Variants in PHACTR2 observed in about 807,000 individuals in gnomAD.
The protein encoded by PHACTR2 is chromosome 6 open reading frame 56.
In PHACTR2, 30 loss-of-function variants were observed where a neutral mutation model predicts 76.0. That is an observed-to-expected ratio of 0.39 (90% confidence interval 0.30 to 0.54). PHACTR2 has a LOEUF of 0.54. PHACTR2 is among the 20% of genes least tolerant of loss of function. The probability of loss-of-function intolerance (pLI) is 0.61; values close to 1 mark genes in which losing one functional copy is unlikely to be tolerated. For synonymous variants in PHACTR2, 292 were observed against 292.5 expected (o/e 1.00, Z 0.02); for missense variants, 696 against 781.1 (o/e 0.89, Z 1.30).
chr6:143,774,155 A>G lies in PHACTR2; in HGVS notation c.1529A>G (p.Gln510Arg). 1 of 1,614,100 alleles carries G rather than the reference A, an allele frequency of 6.2e-7. No homozygotes were observed. ...KKELEDKNIL[Q>R]RTSEEERQEI... Reference sequence around the variant, plus strand: ...GAACTAGAGGACAAAAACATCTTGCAGCGTACATCTGAAGAAGAGAGGCAG... The same window carrying G: ...GAACTAGAGGACAAAAACATCTTGCGGCGTACATCTGAAGAAGAGAGGCAG... The change falls in exon 8 of 13, where the codon CAG (glutamine) becomes CGG (arginine). Residue 510 changes from glutamine (Q) to arginine (R), a missense_variant. Coordinates refer to ENST00000440869, the MANE Select transcript of PHACTR2 (RefSeq NM_001100164.2). This position sits in a 1 kb window ranked among gnomAD's most constrained non-coding sequence, Gnocchi z 5.4.
rs1009706904 is a variant in PHACTR2, at chr6:143,589,192, G to A, written c.217+51985G>A. 7.9e-5 allele frequency among the ~76,000 whole-genome samples: 12 copies of A among 152,182 alleles called. No individual in the cohort carries two copies. Among genetic ancestry groups the A allele is most frequent in the African/African-American group, 2.9e-4 (12 of 41,452 alleles). On this transcript the variant is annotated intron_variant, in intron 1 of 11. Coordinates refer to the PHACTR2 transcript ENST00000367584. The surrounding 1 kb of genome is among the most constrained non-coding windows in gnomAD (Gnocchi z 4.4). ...TGCAGATGGCTGCTGACATGGTTTC[G>A]ATTTGTGTCCCACCCAAATCTCATG...
At chr6:143,756,596 G>A (rs1433217228) in intron 4 of PHACTR2, among the ~76,000 whole-genome samples, 5 of 151,792 alleles carry the variant, frequency 3.3e-5, no homozygotes, top group South Asian at 2.1e-4. Flanking sequence ...CTACTCGGGA[G>A]GCTGAGGCAG....
chr6:143,685,127 G>A (rs1313821779), intron 1 of PHACTR2, among the ~76,000 whole-genome samples: 8 of 151,656 alleles, frequency 5.3e-5, no homozygotes, highest in African/African-American at 1.5e-4. Context: ...TTGATTAGTC[G>A]TTTTCTTTCT....
rs1777450848 is a variant in PHACTR2 at position 143,683,769 on chromosome 6, G to A, written c.46+5560G>A. On this transcript the variant is annotated intron_variant, in intron 1 of 12. Coordinates refer to ENST00000440869, the MANE Select transcript of PHACTR2 (RefSeq NM_001100164.2). The surrounding 1 kb of genome is among the most constrained non-coding windows in gnomAD (Gnocchi z 4.1). ...TTCCATAATATATACATGGTAGGAA[G>A]TCAAACATTACAAGATGGTTTGGGA... is the stretch of plus-strand genomic sequence containing the variant. Among the ~76,000 whole-genome samples, 1 of 152,204 alleles carries A rather than the reference G, an allele frequency of 6.6e-6. No homozygotes were observed. Among genetic ancestry groups the A allele is most frequent in the African/African-American group, 2.4e-5 (1 of 41,448 alleles).
chr6:143,659,402 A>G lies in PHACTR2; in HGVS notation c.13+51080A>G, dbSNP rs1312709769. ...TCAGGGTCTCATGAAGCTGCAGTCA[A>G]GGTGTCAGTAGGGATGTCGTCTCAT... On this transcript the variant is annotated intron_variant, in intron 1 of 11. Coordinates refer to the PHACTR2 transcript ENST00000305766. This position sits in a 1 kb window ranked among gnomAD's most constrained non-coding sequence, Gnocchi z 5.0. Among the ~76,000 whole-genome samples, 1 of 152,184 alleles carries G rather than the reference A, an allele frequency of 6.6e-6. No homozygotes were observed. The highest frequency in any genetic ancestry group is 1.5e-5 in the Non-Finnish European group (1 of 68,026).
intron 1 of PHACTR2, among the ~76,000 whole-genome samples, chr6:143,691,796 T>C (rs908457818): frequency 2.0e-5 from 3 of 152,160 alleles, no homozygotes; most frequent in Non-Finnish European, 4.4e-5. Flanking sequence ...ATAAGAAAGA[T>C]TTTTGTAAAA....
chr6:143,798,002 T>G (rs1045956538), intron 11 of PHACTR2, among the ~76,000 whole-genome samples: 4 of 152,232 alleles, frequency 2.6e-5, no homozygotes, highest in Non-Finnish European at 5.9e-5. Context: ...AAGGCCATTT[T>G]CACGATATTG....
In PHACTR2 at chr6:143,627,457, C is replaced by G. The variant is rs13192982; in HGVS notation, c.13+19135C>G. 1.3e-5 allele frequency among the ~76,000 whole-genome samples: 2 copies of G among 152,070 alleles called. No homozygotes were observed. Among genetic ancestry groups the G allele is most frequent in the Admixed American group, 1.3e-4 (2 of 15,282 alleles). On this transcript the variant is annotated intron_variant, in intron 1 of 11. Coordinates refer to the PHACTR2 transcript ENST00000305766. The surrounding 1 kb of genome is among the most constrained non-coding windows in gnomAD (Gnocchi z 4.3). ...TTATGGGTAATATACTCAGCTACTA[C>G]GTCAGGTAGCCTTGCGGAATTCAAG...
chr6:143,791,371 C>T lies in PHACTR2; in HGVS notation c.1845+2461C>T, dbSNP rs986238996. On this transcript the variant is annotated intron_variant, in intron 11 of 12. Coordinates refer to ENST00000440869, the MANE Select transcript of PHACTR2 (RefSeq NM_001100164.2). This position sits in a 1 kb window ranked among gnomAD's most constrained non-coding sequence, Gnocchi z 4.7. ...TACAAGCACTGAAGGTTAGAAATGA[C>T]TCTGTGTGTCAGTGATTTGCAACCT... is the stretch of plus-strand genomic sequence containing the variant. 3.3e-5 allele frequency among the ~76,000 whole-genome samples: 5 copies of T among 152,200 alleles called. No individual in the cohort carries two copies. Among genetic ancestry groups the T allele is most frequent in the African/African-American group, 1.2e-4 (5 of 41,446 alleles).
chr6:143,722,626 C>A lies in PHACTR2; in HGVS notation c.214+10443C>A, dbSNP rs897496068. 6.6e-6 allele frequency among the ~76,000 whole-genome samples: 1 copy of A among 152,248 alleles called. No homozygotes were observed. The highest frequency in any genetic ancestry group is 2.4e-5 in the African/African-American group (1 of 41,540). On this transcript the variant is annotated intron_variant, in intron 2 of 12. Transcript: ENST00000440869. This position sits in a 1 kb window ranked among gnomAD's most constrained non-coding sequence, Gnocchi z 4.1. Reference sequence around the variant, plus strand: ...ATCGTTTCTTTTTGTTAGAAATAGTCCAGTTCCACTCTTTTAGTTATTTTG... The same window carrying A: ...ATCGTTTCTTTTTGTTAGAAATAGTACAGTTCCACTCTTTTAGTTATTTTG...
In PHACTR2 at chr6:143,625,312, T is replaced by G. The variant is rs1042063447; in HGVS notation, c.13+16990T>G. On this transcript the variant is annotated intron_variant, in intron 1 of 11. Coordinates refer to the PHACTR2 transcript ENST00000305766. The surrounding 1 kb of genome is among the most constrained non-coding windows in gnomAD (Gnocchi z 4.3). The stretch of plus-strand genomic sequence containing the variant: ...CTTATTTATTGTGAGATATATCAAA[T>G]TTTTACTTGGTGATTCAGAATTTAA... Among the ~76,000 whole-genome samples the G allele has an allele frequency of 1.3e-5, 2 of 152,186 alleles. No homozygotes were observed. The highest frequency in any genetic ancestry group is 2.9e-5 in the Non-Finnish European group (2 of 68,020).
At chr6:143,716,807 C>T (rs987303353) in intron 2 of PHACTR2, among the ~76,000 whole-genome samples, 7 of 152,210 alleles carry the variant, frequency 4.6e-5, no homozygotes, top group Non-Finnish European at 1.0e-4. Flanking sequence ...GCTACTGTTG[C>T]TAGAAATGAC....
chr6:143,752,291 C>T (rs1481807145), intron 3 of PHACTR2, among the ~76,000 whole-genome samples: 4 of 151,992 alleles, frequency 2.6e-5, no homozygotes, highest in Admixed American at 6.5e-5. Flanking sequence ...GATTTTTATA[C>T]ATAAGCAAGT....
chr6:143,665,094 C>T (rs932162854), intron 1 of PHACTR2, among the ~76,000 whole-genome samples: 7 of 152,164 alleles, frequency 4.6e-5, no homozygotes, highest in Non-Finnish European at 8.8e-5. Context: ...CCACCGCACC[C>T]AGCCTGGGTT....
rs533556661 is a variant in PHACTR2, at chr6:143,573,428, G to A, written c.217+36221G>A. Among the ~76,000 whole-genome samples, 4 of 152,240 alleles carry A rather than the reference G, an allele frequency of 2.6e-5. No homozygotes were observed. The East Asian group carries it at 7.7e-4, about 29-fold the overall frequency. On this transcript the variant is annotated intron_variant, in intron 1 of 11. Coordinates refer to the PHACTR2 transcript ENST00000367584. ...AGGTCCCTGGATGCTACATTATTAT[G>A]TTTGTCATCCATGGGAGCCAGCCCA...
chr6:143,544,253 G>GGAAGAAAGGGAGGCAGGGAAA (rs1554286366), intron 1 of PHACTR2, among the ~76,000 whole-genome samples: 12 of 144,068 alleles, frequency 8.3e-5, no homozygotes, highest in African/African-American at 3.5e-4. Flanking sequence ...GGAGGGAGTG[G>GGAAGAAAGGGAGGCAGGGAAA]GAAGGAAGGA....
In PHACTR2 at chr6:143,621,847, G is replaced by A. The variant is rs1459696317; in HGVS notation, c.13+13525G>A. 6.6e-6 allele frequency among the ~76,000 whole-genome samples: 1 copy of A among 152,124 alleles called. No individual in the cohort carries two copies. Among genetic ancestry groups the A allele is most frequent in the Non-Finnish European group, 1.5e-5 (1 of 68,030 alleles). On this transcript the variant is annotated intron_variant, in intron 1 of 11. Coordinates refer to the PHACTR2 transcript ENST00000305766. The surrounding 1 kb of genome is among the most constrained non-coding windows in gnomAD (Gnocchi z 4.1). Reference sequence around the variant, plus strand: ...CAGCTACCTCCCAAGGTGATCACTTGGCCCCAGGTCCCCCTGCTCTGGCTC... The same window carrying A: ...CAGCTACCTCCCAAGGTGATCACTTAGCCCCAGGTCCCCCTGCTCTGGCTC...
In PHACTR2 at chr6:143,648,657, A is replaced by C. The variant is rs1304958591; in HGVS notation, c.13+40335A>C. ...AGTGCTCTGAAGCACTGATACTGTA[A>C]ATGTGGCATGCTAGCATAGGGGAAA... On this transcript the variant is annotated intron_variant, in intron 1 of 11. Coordinates refer to the PHACTR2 transcript ENST00000305766. The surrounding 1 kb of genome is among the most constrained non-coding windows in gnomAD (Gnocchi z 6.7). Among the ~76,000 whole-genome samples the C allele has an allele frequency of 1.3e-5, 2 of 152,090 alleles. No individual in the cohort carries two copies. Among genetic ancestry groups the C allele is most frequent in the Admixed American group, 1.3e-4 (2 of 15,246 alleles).
chr6:143,598,263 A>G lies in PHACTR2; in HGVS notation c.217+61056A>G, dbSNP rs185988836. ...CAGTGTAATCACAGGATTCCTTATA[A>G]GAGGGACAAGAAGGTTAAAAGAGGA... On this transcript the variant is annotated intron_variant, in intron 1 of 11. Coordinates refer to the PHACTR2 transcript ENST00000367584. The surrounding 1 kb of genome is among the most constrained non-coding windows in gnomAD (Gnocchi z 4.1). Among the ~76,000 whole-genome samples, 100 of 152,280 alleles carry G rather than the reference A, an allele frequency of 6.6e-4. 1 individual carries two copies. In the East Asian group the frequency reaches 0.011, roughly 17 times the overall value.
Sources: allele counts gnomAD v4.1 joint callset (sites outside exome capture counted in the v4.1 genomes callset), GRCh38; gene constraint gnomAD v4.1.1; non-coding constraint Gnocchi (gnomAD v3.1); transcripts MANE v1.5; gene names NCBI Gene and HGNC (gene_info 2026-07-23, HGNC 2026-07-21).